Variants in SHTN1 observed in about 807,000 individuals in gnomAD.
The protein encoded by SHTN1 is shootin-1.
In SHTN1, 42 loss-of-function variants were observed where a neutral mutation model predicts 83.1. The observed-to-expected ratio is 0.51, with a 90% confidence interval of 0.39 to 0.65. The LOEUF (loss-of-function observed/expected upper bound fraction) is 0.65. Among genes scored for constraint, SHTN1 ranks in the 30% least tolerant of loss-of-function variants. The pLI is 0.00. For missense variants in SHTN1, 622 were observed against 737.8 expected (o/e 0.84, Z 1.82); for synonymous variants, 224 against 247.7 (o/e 0.90, Z 0.90).
chr10:116,927,346 A>G (rs1013256208), intron 11 of SHTN1, among the ~76,000 whole-genome samples: 1 of 152,208 alleles, frequency 6.6e-6, no homozygotes, highest in Admixed American at 6.5e-5. Flanking sequence ...TGCTGCTAAT[A>G]AAGATATACC....
chr10:116,997,466 A>T (rs1422464510), intron 1 of SHTN1, among the ~76,000 whole-genome samples: 1 of 152,176 alleles, frequency 6.6e-6, no homozygotes, highest in Non-Finnish European at 1.5e-5. Flanking sequence ...GCATCTCTTG[A>T]CTATGACAGT....
At chr10:117,097,845 T>C (rs1387057081) in intron 1 of SHTN1, among the ~76,000 whole-genome samples, 1 of 152,184 alleles carries the variant, frequency 6.6e-6, no homozygotes, top group African/African-American at 2.4e-5. Context: ...ACAAAATCTC[T>C]GTTTTACCTC....
rs147089148 is a variant in SHTN1, at chr10:117,057,203, T to C, written c.-188-8693A>G. Among the ~76,000 whole-genome samples, 190 of 152,320 alleles carry C rather than the reference T, an allele frequency of 1.2e-3. 1 individual carries two copies. The highest frequency in any genetic ancestry group is 4.4e-3 in the African/African-American group (182 of 41,576). On this transcript the variant is annotated intron_variant, in intron 1 of 17. Transcript: ENST00000392901. ...AAAACAAGATCAACTCTGGAGTCTA[T>C]TGAAGGCTTGCAGCTTCCAGAGGAA...
At chr10:117,121,330 C>A (rs1853923704) in intron 1 of SHTN1, among the ~76,000 whole-genome samples, 1 of 152,122 alleles carries the variant, frequency 6.6e-6, no homozygotes. Flanking sequence ...GTAATCCCAG[C>A]AATTTGGGAG....
chr10:116,882,235 GT>G lies in SHTN1; in HGVS notation c.*4108del, dbSNP rs1217601022. 5 of 151,742 alleles carry G rather than the reference GT, an allele frequency of 3.3e-5. No homozygotes were observed. Among genetic ancestry groups the G allele is most frequent in the African/African-American group, 1.2e-4 (5 of 41,276 alleles). 9.4% of individuals were successfully genotyped at this position (151,742 alleles called of 1,614,324 possible). ...AATTCCCTCTCCTTTTTAAATTTTA[GT>G]TTTTCTTGTATTATTTTTATCTTTG... On this transcript the variant is annotated 3_prime_UTR_variant, in exon 17 of 17. Transcript: ENST00000355371.
intron 3 of SHTN1, among the ~76,000 whole-genome samples, chr10:116,961,741 C>T (rs982363772): frequency 6.6e-6 from 1 of 152,148 alleles, no homozygotes; most frequent in Non-Finnish European, 1.5e-5. Context: ...GAAAATTGTA[C>T]CAAGTGCATA....
chr10:116,934,867 C>T (rs370072388), intron 9 of SHTN1, among the ~76,000 whole-genome samples: 10 of 152,096 alleles, frequency 6.6e-5, no homozygotes, highest in South Asian at 2.1e-4. Context: ...TGTAGTTCTC[C>T]GTGAAGAGGT....
At chr10:116,964,962 A>G (rs1850336252) in intron 3 of SHTN1, among the ~76,000 whole-genome samples, 1 of 152,060 alleles carries the variant, frequency 6.6e-6, no homozygotes, top group African/African-American at 2.4e-5. Flanking sequence ...GCAAAACTCC[A>G]TCTCAAAAAT....
chr10:117,057,581 G>T (rs115628760), intron 1 of SHTN1, among the ~76,000 whole-genome samples: 2,668 of 152,062 alleles, frequency 0.018, 81 homozygotes, highest in African/African-American at 0.061. Flanking sequence ...TTTCCCCTTT[G>T]GGAGCCAGGC....
At chr10:117,002,989 C>T (rs1021546401) in intron 1 of SHTN1, among the ~76,000 whole-genome samples, 3 of 152,202 alleles carry the variant, frequency 2.0e-5, no homozygotes, top group Non-Finnish European at 4.4e-5. Context: ...TTTGTCAGGC[C>T]TCAAACCCAA....
At chr10:117,016,747 A>C (rs1564931628) in intron 2 of SHTN1, among the ~76,000 whole-genome samples, 1 of 152,212 alleles carries the variant, frequency 6.6e-6, no homozygotes, top group Non-Finnish European at 1.5e-5. Flanking sequence ...GAATAAAACA[A>C]ACATTGTATC....
chr10:117,025,853 C>G lies in SHTN1; in HGVS notation c.-123+22592G>C, dbSNP rs557029431. ...GCTGCCTTGAAGGAAAGGATGCAGT[C>G]CTAGCTGGATCCATCACCTACTAAC... On this transcript the variant is annotated intron_variant, in intron 2 of 17. Coordinates refer to the SHTN1 transcript ENST00000392901. 3.3e-5 allele frequency among the ~76,000 whole-genome samples: 5 copies of G among 152,226 alleles called. No homozygotes were observed. In the South Asian group the frequency reaches 1.0e-3, roughly 32 times the overall value.
intron 1 of SHTN1, among the ~76,000 whole-genome samples, chr10:117,106,620 T>C (rs2094387092): frequency 6.6e-6 from 1 of 151,976 alleles, no homozygotes; most frequent in South Asian, 2.1e-4. Context: ...GAAGTAGAAA[T>C]AGTAGCAGCT....
chr10:116,955,083 A>G (rs189584935), intron 4 of SHTN1, among the ~76,000 whole-genome samples: 147 of 147,484 alleles, frequency 1.0e-3, no homozygotes, highest in African/African-American at 3.6e-3. Flanking sequence ...CTCTATTAAA[A>G]GAGTTCTACT....
At chr10:116,966,194 A>C (rs949718103) in intron 3 of SHTN1, among the ~76,000 whole-genome samples, 1 of 152,140 alleles carries the variant, frequency 6.6e-6, no homozygotes, top group African/African-American at 2.4e-5. Flanking sequence ...TTTTTACTAG[A>C]GACGGGGTTT....
chr10:116,991,359 G>A (rs1220283061), intron 1 of SHTN1, among the ~76,000 whole-genome samples: 1 of 152,176 alleles, frequency 6.6e-6, no homozygotes, highest in Non-Finnish European at 1.5e-5. Flanking sequence ...TTGTAAAGAA[G>A]TTTATTTGGC....
chr10:117,054,292 C>T (rs139945302), intron 1 of SHTN1, among the ~76,000 whole-genome samples: 1 of 152,176 alleles, frequency 6.6e-6, no homozygotes, highest in African/African-American at 2.4e-5. Context: ...CAATAAGATA[C>T]CAAATTATAA....
intron 2 of SHTN1, among the ~76,000 whole-genome samples, chr10:117,022,180 A>G (rs191636178): frequency 5.9e-5 from 9 of 152,300 alleles, no homozygotes; most frequent in Admixed American, 3.9e-4. Flanking sequence ...ATAAAATACT[A>G]ATCAAAAATA....
intron 1 of SHTN1, among the ~76,000 whole-genome samples, chr10:117,049,693 G>A (rs553684130): frequency 1.9e-4 from 29 of 152,258 alleles, no homozygotes; most frequent in Non-Finnish European, 3.1e-4. Flanking sequence ...AGACATCTAC[G>A]TTCTAGAAAC....
Sources: allele counts gnomAD v4.1 joint callset (sites outside exome capture counted in the v4.1 genomes callset), GRCh38; gene constraint gnomAD v4.1.1; transcripts MANE v1.5; gene names NCBI Gene and HGNC (gene_info 2026-07-23, HGNC 2026-07-21).